Variants in AGPS observed in about 807,000 individuals in gnomAD.
AGPS encodes the protein alkylglycerone phosphate synthase.
In AGPS, 26 loss-of-function variants were observed where a neutral mutation model predicts 90.7. The ratio of observed to expected loss-of-function variants is 0.29; its 90% CI spans 0.21 to 0.40. The LOEUF is 0.40. Among genes scored for constraint, AGPS ranks in the 10% least tolerant of loss-of-function variants. The pLI is 1.00. For missense variants in AGPS, 540 were observed against 816.1 expected, an observed-to-expected ratio of 0.66 and a Z score of 4.12; for synonymous variants, 294 against 285.3, an observed-to-expected ratio of 1.03 and a Z score of -0.31.
At chr2:177,482,834 A>G (rs1687984858) in intron 11 of AGPS, among the ~76,000 whole-genome samples, 1 of 152,016 alleles carries the variant, frequency 6.6e-6, no homozygotes. Flanking sequence ...TTATTTATGT[A>G]TTTAGTTCTG....
At chr2:177,403,619 A>G (rs1685388673) in intron 1 of AGPS, among the ~76,000 whole-genome samples, 1 of 152,236 alleles carries the variant, frequency 6.6e-6, no homozygotes, top group Admixed American at 6.5e-5. Context: ...GCAGAAAAAA[A>G]TAGAAAATAA....
At chr2:177,534,046 C>CTTATAATCAAATGTGTGATTCAAAAAATT (rs1475155557) in intron 19 of AGPS, among the ~76,000 whole-genome samples, 29 of 152,250 alleles carry the variant, frequency 1.9e-4, no homozygotes, top group Non-Finnish European at 3.5e-4. Context: ...ATCTTTTTGA[C>CTTATAATCAAATGTGTGATTCAAAAAATT]TTATAATCAA....
At chr2:177,394,217 A>G (rs947022924) in intron 1 of AGPS, among the ~76,000 whole-genome samples, 1 of 152,230 alleles carries the variant, frequency 6.6e-6, no homozygotes, top group Non-Finnish European at 1.5e-5. Context: ...ACTCTTAAGG[A>G]AGGAATAGCT....
intron 1 of AGPS, among the ~76,000 whole-genome samples, chr2:177,396,396 G>A (rs1685175177): frequency 6.6e-6 from 1 of 152,116 alleles, no homozygotes; most frequent in African/African-American, 2.4e-5. Flanking sequence ...TATTCTAGCT[G>A]GAGTGGAGAC....
intron 8 of AGPS, among the ~76,000 whole-genome samples, chr2:177,458,985 C>T (rs1223685293): frequency 6.6e-6 from 1 of 152,130 alleles, no homozygotes; most frequent in East Asian, 1.9e-4. Flanking sequence ...ATGTATAGGC[C>T]AATGGAAAAG....
chr2:177,421,888 G>A (rs956208688), intron 2 of AGPS, among the ~76,000 whole-genome samples: 1 of 152,038 alleles, frequency 6.6e-6, no homozygotes, highest in African/African-American at 2.4e-5. Context: ...GGACCTTGAA[G>A]GTATACAGTA....
intron 5 of AGPS, among the ~76,000 whole-genome samples, chr2:177,438,257 TATTAAA>T (rs375847272): frequency 1.0e-3 from 157 of 152,286 alleles, no homozygotes; most frequent in African/African-American, 3.6e-3. Context: ...TGTCTTTCAA[TATTAAA>T]ATACTTAGAG....
chr2:177,456,596 C>T (rs1687117287), intron 8 of AGPS, among the ~76,000 whole-genome samples: 1 of 152,138 alleles, frequency 6.6e-6, no homozygotes, highest in African/African-American at 2.4e-5. Context: ...GCATGGGGAA[C>T]ATCTGGTTTT....
chr2:177,414,398 G>A (rs1029075185), intron 1 of AGPS, among the ~76,000 whole-genome samples: 1 of 151,854 alleles, frequency 6.6e-6, no homozygotes, highest in Non-Finnish European at 1.5e-5. Context: ...TTGAGAATTA[G>A]GGGTCCCGCT....
At chr2:177,467,276 A>G (rs1207023064) in intron 9 of AGPS, among the ~76,000 whole-genome samples, 1 of 152,252 alleles carries the variant, frequency 6.6e-6, no homozygotes, top group African/African-American at 2.4e-5. Flanking sequence ...GGTTTGCACC[A>G]TTGTTTTTAA....
intron 19 of AGPS, among the ~76,000 whole-genome samples, chr2:177,526,509 T>A (rs1052622541): frequency 6.6e-6 from 1 of 152,214 alleles, no homozygotes; most frequent in Non-Finnish European, 1.5e-5. Flanking sequence ...GTTATATTTT[T>A]TGATACAAAG....
At chr2:177,521,687 C>G (rs1006992214) in intron 18 of AGPS, among the ~76,000 whole-genome samples, 2 of 152,190 alleles carry the variant, frequency 1.3e-5, no homozygotes, top group African/African-American at 4.8e-5. Context: ...ACAGCCCACT[C>G]ATTTCCACAT....
intron 2 of AGPS, 135 bp from the exon 3 acceptor site, chr2:177,434,192 C>T (rs1178870677): frequency 2.4e-5 from 16 of 663,340 alleles, no homozygotes; most frequent in South Asian, 3.9e-5. Flanking sequence ...GTTTTGTTTT[C>T]GTTCAGAGTT....
At position 177,437,015 on chromosome 2, in the gene AGPS, G is replaced by A; in HGVS notation, c.598G>A (p.Gly200Arg). ...CLHEIFLLRE[G>R]MFERIPDIVL... ...TCATGAGATATTTTTGCTCAGGGAA[G>A]GAATGTTTGAGCGAATTCCTGATAT... is the stretch of plus-strand genomic sequence containing the variant. The change falls in exon 5 of 20, where the codon GGA (glycine) becomes AGA (arginine). Residue 200 changes from glycine to arginine, a missense_variant. Around this residue, in one of 2 missense-constraint regions of AGPS, gnomAD observed 405 missense variants for 692.1 expected, o/e 0.59. Coordinates refer to ENST00000264167, the MANE Select transcript of AGPS (RefSeq NM_003659.4). 1.2e-6 allele frequency: 2 copies of A among 1,613,476 alleles called. No individual in the cohort carries two copies. Among genetic ancestry groups the A allele is most frequent in the South Asian group, 2.2e-5 (2 of 91,054 alleles).
At chr2:177,497,359 A>T (rs1450747689) in intron 12 of AGPS, among the ~76,000 whole-genome samples, 1 of 151,918 alleles carries the variant, frequency 6.6e-6, no homozygotes, top group Admixed American at 6.6e-5. Context: ...TTAATGAAGT[A>T]ATTTTATTAT....
At chr2:177,451,525 CT>C (rs1475602730) in intron 8 of AGPS, among the ~76,000 whole-genome samples, 1 of 151,718 alleles carries the variant, frequency 6.6e-6, no homozygotes, top group African/African-American at 2.4e-5. Flanking sequence ...ATCTGTTTGC[CT>C]TTTTTTCTTT....
At chr2:177,513,721 A>G in intron 16 of AGPS, 98 bp from the exon 17 acceptor site, 1 of 868,190 alleles carries the variant, frequency 1.2e-6, no homozygotes, top group South Asian at 1.5e-5. Context: ...AGCTAAGAAA[A>G]TGTCAGACTT....
chr2:177,479,124 C>T (rs1413302011), intron 10 of AGPS, among the ~76,000 whole-genome samples: 2 of 152,156 alleles, frequency 1.3e-5, no homozygotes, highest in African/African-American at 4.8e-5. Context: ...TAAGTAACAC[C>T]TCTGCTTTAG....
chr2:177,490,774 ATAAT>A (rs1423116836), intron 11 of AGPS, among the ~76,000 whole-genome samples: 1 of 151,912 alleles, frequency 6.6e-6, no homozygotes, highest in Non-Finnish European at 1.5e-5. Context: ...ATATTCAACA[ATAAT>A]TAAGTTTTTG....
Sources: allele counts gnomAD v4.1 joint callset (sites outside exome capture counted in the v4.1 genomes callset), GRCh38; gene constraint gnomAD v4.1.1; regional missense constraint gnomAD v4.1.1; transcripts MANE v1.5; gene names NCBI Gene and HGNC (gene_info 2026-07-23, HGNC 2026-07-21).